The following DIAPH2 variants were observed in gnomAD, a reference collection of about 807,000 sequenced individuals.
DIAPH2 encodes protein diaphanous homolog 2.
A neutral mutation model predicts 92.7 loss-of-function variants in DIAPH2; 35 were observed. The ratio of observed to expected loss-of-function variants is 0.38; its 90% confidence interval spans 0.29 to 0.50. DIAPH2 has a LOEUF of 0.50. Among genes scored for constraint, DIAPH2 ranks in the 20% least tolerant of loss-of-function variants. The pLI is 0.94. For synonymous variants in DIAPH2, 301 were observed against 280.4 expected, an observed-to-expected ratio of 1.07 and a Z score of -0.73; for missense variants, 701 against 819.5, an observed-to-expected ratio of 0.86 and a Z score of 1.77.
chrX:96,697,601 C>T (rs747386345), intron 1 of DIAPH2, among the ~76,000 whole-genome samples: 16 of 110,991 alleles, frequency 1.4e-4, no homozygotes, highest in South Asian at 3.8e-4. Context: ...AGCCGAGATC[C>T]GCCACTGCAC....
Position 97,599,722 on chromosome X carries a change from T to C in DIAPH2, c.*405T>C, listed in dbSNP as rs772143526. ...AAAAAGAATAGAAAGAATTATCCAG[T>C]GTCAGCTTCCAATCCCTAGTACATA... On this transcript the variant is annotated 3_prime_UTR_variant, in exon 27 of 27. Transcript: ENST00000324765. 8.1e-6 allele frequency: 1 copy of C among 123,940 alleles called. No homozygotes were observed. The highest frequency in any genetic ancestry group is 2.6e-4 in the East Asian group (1 of 3,875). 10.2% of individuals were successfully genotyped at this position (123,940 alleles called of 1,213,427 possible).
intron 1 of DIAPH2, among the ~76,000 whole-genome samples, chrX:96,685,520 C>A (rs770955218): frequency 8.8e-6 from 1 of 113,106 alleles, no homozygotes; most frequent in Non-Finnish European, 1.9e-5. Context: ...AACCTTTGCG[C>A]GATTCCATTC....
At chrX:97,409,847 G>A (rs2069849973) in intron 25 of DIAPH2, among the ~76,000 whole-genome samples, 1 of 112,783 alleles carries the variant, frequency 8.9e-6, no homozygotes, top group South Asian at 3.6e-4. Context: ...TGAGGCTTGA[G>A]TAGATAAACA....
At chrX:97,185,428 T>TACATATATATATATACAC in intron 22 of DIAPH2, among the ~76,000 whole-genome samples, 1 of 64,089 alleles carries the variant, frequency 1.6e-5, no homozygotes, top group African/African-American at 9.6e-5. Flanking sequence ...TATATGTATA[T>TACATATATATATATACAC]ATATATGTGT....
chrX:97,518,641 A>T (rs1290513683), intron 26 of DIAPH2, among the ~76,000 whole-genome samples: 2 of 110,245 alleles, frequency 1.8e-5, no homozygotes, highest in African/African-American at 6.6e-5. Context: ...AAGCTTCTCA[A>T]GCCATGAACT....
intron 4 of DIAPH2, among the ~76,000 whole-genome samples, chrX:96,765,536 T>C (rs2064298230): frequency 8.9e-6 from 1 of 111,836 alleles, no homozygotes; most frequent in South Asian, 3.7e-4. Flanking sequence ...ATAATTTTTC[T>C]ATTTTATTAG....
intron 24 of DIAPH2, 45 bp from the exon 25 acceptor site, chrX:97,383,864 A>G: frequency 1.8e-6 from 2 of 1,086,089 alleles, no homozygotes; most frequent in Non-Finnish European, 2.5e-6. Context: ...TCTCTATTAT[A>G]TAAGTAATGG....
At chrX:97,135,242 A>C (rs1316479061) in intron 21 of DIAPH2, among the ~76,000 whole-genome samples, 1 of 111,450 alleles carries the variant, frequency 9.0e-6, no homozygotes, top group Non-Finnish European at 1.9e-5. Context: ...TCTGTCACCC[A>C]GGCTGGAGTG....
At chrX:96,704,039 C>G (rs1475941164) in intron 1 of DIAPH2, among the ~76,000 whole-genome samples, 1 of 111,452 alleles carries the variant, frequency 9.0e-6, no homozygotes, top group African/African-American at 3.3e-5. Context: ...AGGGATCCCC[C>G]CACCTTAGCC....
At chrX:97,505,845 G>C (rs765722248) in intron 26 of DIAPH2, among the ~76,000 whole-genome samples, 4 of 111,230 alleles carry the variant, frequency 3.6e-5, no homozygotes, top group Non-Finnish European at 5.6e-5. Flanking sequence ...TTCACTAACA[G>C]TCTGTTTTGT....
intron 10 of DIAPH2, among the ~76,000 whole-genome samples, chrX:96,934,820 A>G (rs182487744): frequency 1.8e-5 from 2 of 111,475 alleles, no homozygotes; most frequent in East Asian, 5.6e-4. Flanking sequence ...TTTGCCTTTT[A>G]TTTAGTTAAA....
chrX:97,323,593 GAAAAAAAAA>G (rs1199744995), intron 23 of DIAPH2, among the ~76,000 whole-genome samples: 1 of 23,268 alleles, frequency 4.3e-5, no homozygotes, highest in African/African-American at 1.7e-4. Context: ...TCCGTCTCAA[GAAAAAAAAA>G]AAAAAAAAAA....
intron 25 of DIAPH2, among the ~76,000 whole-genome samples, chrX:97,414,334 G>A (rs890817062): frequency 1.8e-5 from 2 of 111,589 alleles, no homozygotes; most frequent in Non-Finnish European, 3.8e-5. Context: ...ATGGTGCTGG[G>A]AAAACTGGCT....
intron 24 of DIAPH2, among the ~76,000 whole-genome samples, chrX:97,355,606 TAAG>T (rs1454249688): frequency 9.0e-6 from 1 of 111,447 alleles, no homozygotes; most frequent in African/African-American, 3.3e-5. Context: ...AAAACAACCT[TAAG>T]AAGCTGCAAG....
rs186239759 is a variant in DIAPH2, at chrX:97,375,387, C to T, written c.3010-8522C>T. Among the ~76,000 whole-genome samples the T allele has an allele frequency of 3.0e-3, 333 of 110,622 alleles. 1 individual carries two copies. The highest frequency in any genetic ancestry group is 0.01 in the African/African-American group (315 of 30,403). ...AGGAGAGTTGCTTGAACCTGGGAGG[C>T]GGAGGTTGCAGTGAGCCAAGATCGT... On this transcript the variant is annotated intron_variant, in intron 24 of 26. Transcript: ENST00000324765.
intron 22 of DIAPH2, among the ~76,000 whole-genome samples, chrX:97,165,486 TTTTG>T (rs894854662): frequency 1.2e-4 from 13 of 110,442 alleles, no homozygotes; most frequent in East Asian, 5.7e-4. Context: ...TATTTTGGAG[TTTTG>T]TTTGTTTGTT....
At chrX:97,546,702 G>A (rs1420241296) in intron 26 of DIAPH2, among the ~76,000 whole-genome samples, 1 of 111,086 alleles carries the variant, frequency 9.0e-6, no homozygotes, top group Non-Finnish European at 1.9e-5. Flanking sequence ...TGGGCGTGGT[G>A]GTGCATGCCT....
chrX:97,370,002 G>C (rs975576895), intron 24 of DIAPH2, among the ~76,000 whole-genome samples: 1 of 111,443 alleles, frequency 9.0e-6, no homozygotes, highest in Middle Eastern at 4.7e-3. Context: ...AGCAAAAGTA[G>C]ACTAACCCTC....
At chrX:97,143,927 G>A (rs2067225252) in intron 22 of DIAPH2, among the ~76,000 whole-genome samples, 1 of 112,165 alleles carries the variant, frequency 8.9e-6, no homozygotes, top group African/African-American at 3.2e-5. Flanking sequence ...TTACTCATAT[G>A]CAGGAGCTAA....
Sources: gnomAD v4.1 joint callset for allele counts (sites outside exome capture counted in the v4.1 genomes callset) on GRCh38, gnomAD v4.1.1 for gene constraint, MANE v1.5 for transcripts, NCBI Gene and HGNC (gene_info 2026-07-23, HGNC 2026-07-21) for gene names.